The following TNNI3K variants were observed in gnomAD, a reference collection of about 807,000 sequenced individuals.
TNNI3K encodes the protein TNNI3 interacting kinase, also known as serine/threonine-protein kinase TNNI3K.
Under a neutral mutation model 114.5 loss-of-function variants are expected in TNNI3K, and 140 were observed. The ratio of observed to expected loss-of-function variants is 1.22; its 90% CI spans 1.07 to 1.41. TNNI3K has a LOEUF of 1.41. Among genes scored for constraint, TNNI3K ranks in the 40% most tolerant of loss-of-function variants. TNNI3K has a pLI of 0.00. For missense variants in TNNI3K, 1,125 were observed against 1,007.6 expected (o/e 1.12, Z -1.58); for synonymous variants, 347 against 347.5 (o/e 1.00, Z 0.02).
At chr1:74,452,261 T>G (rs1167611720) in intron 20 of TNNI3K, among the ~76,000 whole-genome samples, 2 of 152,100 alleles carry the variant, frequency 1.3e-5, no homozygotes, top group African/African-American at 2.4e-5. Context: ...GAGCATTCAA[T>G]GAGATTATGT....
At chr1:74,453,556 C>T (rs940517120) in intron 20 of TNNI3K, among the ~76,000 whole-genome samples, 4 of 152,152 alleles carry the variant, frequency 2.6e-5, no homozygotes, top group African/African-American at 9.7e-5. Context: ...CAGCATACTA[C>T]TTCCTGGGAA....
chr1:74,317,857 G>C (rs1659399468), intron 5 of TNNI3K, among the ~76,000 whole-genome samples: 1 of 152,306 alleles, frequency 6.6e-6, no homozygotes, highest in East Asian at 1.9e-4. Flanking sequence ...AGTTTCTTCA[G>C]ATGGACCCGC....
chr1:74,319,263 A>G (rs945051943), intron 5 of TNNI3K, among the ~76,000 whole-genome samples: 2 of 152,182 alleles, frequency 1.3e-5, no homozygotes, highest in African/African-American at 2.4e-5. Flanking sequence ...TTCTATCCAT[A>G]GGGCAGTTCA....
At chr1:74,425,742 A>C (rs1246315104) in intron 17 of TNNI3K, among the ~76,000 whole-genome samples, 1 of 152,116 alleles carries the variant, frequency 6.6e-6, no homozygotes, top group African/African-American at 2.4e-5. Flanking sequence ...ATTTAGAGAA[A>C]AAGTTGTAAG....
chr1:74,359,476 C>T (rs530706283), intron 11 of TNNI3K, among the ~76,000 whole-genome samples: 8 of 152,060 alleles, frequency 5.3e-5, no homozygotes, highest in South Asian at 2.1e-4. Context: ...TCCTGCCAAA[C>T]GCCTCTGGAC....
Position 74,416,381 on chromosome 1 carries a change from T to C in TNNI3K, c.1773-19699T>C, listed in dbSNP as rs532360035. ...TAACGAGCAGAGCTGAAGAAGGAGC[T>C]GTGGAACTAGCACAGAGCAACTGAA... On this transcript the variant is annotated intron_variant, in intron 17 of 24. Coordinates refer to ENST00000326637, the MANE Select transcript of TNNI3K (RefSeq NM_015978.3). The C allele has an allele frequency of 5.1e-6, 5 of 979,188 alleles. No individual in the cohort carries two copies. The Admixed American group carries it at 2.5e-4, about 48-fold the overall frequency. 60.7% of individuals were successfully genotyped at this position (979,188 alleles called of 1,614,324 possible).
At chr1:74,449,180 G>T (rs972370744) in intron 20 of TNNI3K, among the ~76,000 whole-genome samples, 4 of 151,400 alleles carry the variant, frequency 2.6e-5, no homozygotes, top group Non-Finnish European at 5.9e-5. Context: ...CTTCTTCCTG[G>T]TTTAGTCTTT....
rs201775126 is a variant in TNNI3K at position 74,271,599 on chromosome 1, A to T, written c.335A>T (p.Asp112Val). The change falls in exon 5 of 25, where the codon GAT becomes GTT. Residue 112 changes from aspartate to valine, a missense_variant and splice_region_variant. Physicochemically the swap from Asp to Val is radical, Grantham distance 152 (BLOSUM62 -3). Coordinates refer to ENST00000326637, the MANE Select transcript of TNNI3K (RefSeq NM_015978.3). ...FTALHLAVYK[D>V]NAELITSLLH... is the part of the protein sequence containing the mutation. Reference sequence around the variant, plus strand: ...CACTAAAGATATGTTTCCTTACAGGATAATGCAGAATTGATCACTTCTCTG... The same window carrying T: ...CACTAAAGATATGTTTCCTTACAGGTTAATGCAGAATTGATCACTTCTCTG... 5.4e-5 allele frequency: 86 copies of T among 1,596,346 alleles called. No homozygotes were observed. The highest frequency in any genetic ancestry group is 7.2e-5 in the Non-Finnish European group (84 of 1,170,626).
chr1:74,485,227 G>C (rs979725945), intron 21 of TNNI3K, among the ~76,000 whole-genome samples: 1 of 152,230 alleles, frequency 6.6e-6, no homozygotes, highest in South Asian at 2.1e-4. Flanking sequence ...TGTAGCTCTT[G>C]AGTTGGGCCT....
At chr1:74,432,909 A>C (rs1029908362) in intron 17 of TNNI3K, among the ~76,000 whole-genome samples, 1 of 152,006 alleles carries the variant, frequency 6.6e-6, no homozygotes, top group Non-Finnish European at 1.5e-5. Context: ...CAGCTATGAT[A>C]CAGGACACTG....
Position 74,520,945 on chromosome 1 carries a change from G to A in TNNI3K, c.2352-19289G>A, listed in dbSNP as rs189674261. On this transcript the variant is annotated intron_variant, in intron 23 of 24. Transcript: ENST00000326637. ...ATAGTGGTGACATGGGAGCAGAGGTGAAGGGAAGATTGAATAGTCCACAGG... is the reference window on the plus strand; with the variant it reads ...ATAGTGGTGACATGGGAGCAGAGGTAAAGGGAAGATTGAATAGTCCACAGG... Among the ~76,000 whole-genome samples, 19 of 152,238 alleles carry A rather than the reference G, an allele frequency of 1.2e-4. No homozygotes were observed. In the East Asian group the frequency reaches 3.5e-3, roughly 28 times the overall value.
intron 23 of TNNI3K, among the ~76,000 whole-genome samples, chr1:74,530,839 G>A (rs557994162): frequency 1.3e-5 from 2 of 151,866 alleles, no homozygotes; most frequent in Non-Finnish European, 2.9e-5. Flanking sequence ...GCCTCTTAAT[G>A]GTTTGCTCAG....
chr1:74,342,352 T>A (rs2100443333), intron 7 of TNNI3K, among the ~76,000 whole-genome samples: 1 of 152,254 alleles, frequency 6.6e-6, no homozygotes, highest in East Asian at 1.9e-4. Context: ...AGTATGGCAA[T>A]TTTCAGCTAA....
intron 17 of TNNI3K, among the ~76,000 whole-genome samples, chr1:74,389,658 G>A (rs187835530): frequency 6.6e-6 from 1 of 152,254 alleles, no homozygotes; most frequent in East Asian, 1.9e-4. Flanking sequence ...TAAAGGACCA[G>A]GACCATTTTG....
chr1:74,244,205 A>T (rs1654418588), intron 2 of TNNI3K, among the ~76,000 whole-genome samples: 1 of 152,162 alleles, frequency 6.6e-6, no homozygotes, highest in African/African-American at 2.4e-5. Context: ...TTGTACTATT[A>T]AAAATCACAC....
intron 23 of TNNI3K, among the ~76,000 whole-genome samples, chr1:74,530,988 A>T (rs1292510605): frequency 6.6e-6 from 1 of 152,172 alleles, no homozygotes; most frequent in Non-Finnish European, 1.5e-5. Context: ...ATTTTTCCTT[A>T]TTCATAATTC....
chr1:74,439,422 G>A, intron 19 of TNNI3K, 68 bp from the exon 20 acceptor site: 2 of 1,566,586 alleles, frequency 1.3e-6, no homozygotes, highest in East Asian at 2.3e-5. Context: ...TCACTAAGAA[G>A]AATGCTACTC....
intron 4 of TNNI3K, among the ~76,000 whole-genome samples, chr1:74,259,048 C>G (rs1655508041): frequency 6.6e-6 from 1 of 152,206 alleles, no homozygotes; most frequent in Non-Finnish European, 1.5e-5. Flanking sequence ...AAATGCTGCT[C>G]TCATTTCCTT....
intron 17 of TNNI3K, among the ~76,000 whole-genome samples, chr1:74,390,400 A>G (rs1253438623): frequency 6.6e-6 from 1 of 152,178 alleles, no homozygotes; most frequent in Non-Finnish European, 1.5e-5. Flanking sequence ...ATATTCTCTA[A>G]TTATAAAAGG....
Sources: allele counts gnomAD v4.1 joint callset (sites outside exome capture counted in the v4.1 genomes callset), GRCh38; gene constraint gnomAD v4.1.1; transcripts MANE v1.5; gene names NCBI Gene and HGNC (gene_info 2026-07-23, HGNC 2026-07-21).